The following ATL1 variants were observed in gnomAD, a reference collection of about 807,000 sequenced individuals.
The protein encoded by ATL1 is atlastin-1.
ATL1 carries 31 observed loss-of-function variants against 75.5 expected under a neutral mutation model. The observed-to-expected ratio is 0.41, with a 90% CI of 0.31 to 0.55. ATL1 has a LOEUF of 0.55. ATL1 is among the 20% of genes least tolerant of loss of function. The pLI, the probability that ATL1 is intolerant of heterozygous loss-of-function variation, is 0.27. For missense variants in ATL1, 405 were observed against 662.6 expected (o/e 0.61, Z 4.27); for synonymous variants, 226 against 233.3 (o/e 0.97, Z 0.28).
At chr14:50,536,436 CAAAAAA>C (rs34686813) in intron 1 of ATL1, among the ~76,000 whole-genome samples, 1 of 107,242 alleles carries the variant, frequency 9.3e-6, no homozygotes, top group Admixed American at 9.3e-5. Flanking sequence ...AACTCTGTCT[CAAAAAA>C]AAAAAAAAAA....
intron 9 of ATL1, among the ~76,000 whole-genome samples, chr14:50,621,167 T>C (rs2039463584): frequency 6.6e-6 from 1 of 152,216 alleles, no homozygotes; most frequent in African/African-American, 2.4e-5. Flanking sequence ...GTGGAATTAT[T>C]TTAAATTTGC....
upstream of ATL1, chr14:50,560,095 C>G: frequency 1.4e-6 from 1 of 713,090 alleles, no homozygotes; most frequent in Non-Finnish European, 2.4e-6. Context: ...TCTGCTTTCT[C>G]CTCCCTTTTC....
At chr14:50,559,988 C>G, upstream of ATL1, 1 of 529,048 alleles carries the variant, frequency 1.9e-6, no homozygotes, top group Non-Finnish European at 3.4e-6. Context: ...GGTACGTGGT[C>G]TATCACTGTC....
At position 50,628,417 on chromosome 14, in the gene ATL1, G is replaced by C. The variant is rs1595625446; in HGVS notation, c.1506G>C (p.Glu502Asp). 6.2e-7 allele frequency: 1 copy of C among 1,614,120 alleles called. No homozygotes were observed. Among genetic ancestry groups the C allele is most frequent in the Non-Finnish European group, 8.5e-7 (1 of 1,180,032 alleles). Residue 502 changes from glutamate to aspartate, a missense_variant, in exon 12 of 14, where the codon GAG (glutamate) becomes GAC (aspartate). Glu to Asp is a conservative substitution (Grantham distance 45, BLOSUM62 2). Transcript: ENST00000358385. ...AYIRYSGEYR[E>D]LGAVIDQVAA... ...TCCGGTACTCTGGAGAATACCGAGA[G>C]CTGGGAGCTGTAATAGACCAGGTGG... is the stretch of plus-strand genomic sequence containing the variant.
chr14:50,549,373 A>G (rs2038674204), intron 1 of ATL1, among the ~76,000 whole-genome samples: 1 of 152,162 alleles, frequency 6.6e-6, no homozygotes, highest in Admixed American at 6.5e-5. Context: ...GCTGTTCAGA[A>G]CTGTGAGACC....
At chr14:50,575,884 AG>A (rs1245895488) in intron 1 of ATL1, among the ~76,000 whole-genome samples, 1 of 152,172 alleles carries the variant, frequency 6.6e-6, no homozygotes, top group African/African-American at 2.4e-5. Context: ...TAAATTCAGT[AG>A]CTGAGTGCCA....
intron 1 of ATL1, among the ~76,000 whole-genome samples, chr14:50,553,219 C>T (rs1595574010): frequency 6.7e-6 from 1 of 149,372 alleles, no homozygotes; most frequent in African/African-American, 2.5e-5. Context: ...TGCAGTGAGC[C>T]GAGATCGTGC....
intron 13 of ATL1, chr14:50,630,841 A>T: frequency 2.7e-6 from 1 of 367,776 alleles, no homozygotes; most frequent in Non-Finnish European, 5.4e-6. Context: ...AAGCTTAAGA[A>T]AAAATATAAG....
At chr14:50,586,826 T>C (rs1229815386) in intron 1 of ATL1, among the ~76,000 whole-genome samples, 1 of 152,218 alleles carries the variant, frequency 6.6e-6, no homozygotes, top group Non-Finnish European at 1.5e-5. Flanking sequence ...CACTTTCTAA[T>C]AGTTGTGCTC....
At chr14:50,553,543 A>T (rs1353923995) in intron 1 of ATL1, among the ~76,000 whole-genome samples, 2 of 152,168 alleles carry the variant, frequency 1.3e-5, no homozygotes, top group African/African-American at 4.8e-5. Context: ...AACAGTATGG[A>T]TACCCCTTAA....
At chr14:50,588,917 G>C (rs1381349585) in intron 2 of ATL1, among the ~76,000 whole-genome samples, 1 of 152,014 alleles carries the variant, frequency 6.6e-6, no homozygotes, top group Non-Finnish European at 1.5e-5. Flanking sequence ...ATTTTTCCAG[G>C]TAATACCTTA....
At chr14:50,584,011 C>T (rs1433805754) in intron 1 of ATL1, among the ~76,000 whole-genome samples, 2 of 152,136 alleles carry the variant, frequency 1.3e-5, no homozygotes, top group Non-Finnish European at 2.9e-5. Context: ...AAAGAAATGG[C>T]TTTTATCTTC....
chr14:50,569,627 C>A (rs1225197107), intron 1 of ATL1, among the ~76,000 whole-genome samples: 1 of 151,798 alleles, frequency 6.6e-6, no homozygotes, highest in East Asian at 1.9e-4. Flanking sequence ...CATGTATTTA[C>A]CTTTACTGAG....
upstream of ATL1, among the ~76,000 whole-genome samples, chr14:50,555,480 C>G (rs1192089158): frequency 6.6e-6 from 1 of 152,138 alleles, no homozygotes; most frequent in Non-Finnish European, 1.5e-5. Flanking sequence ...GACGGGGTTT[C>G]ACCGTGTTGC....
At chr14:50,545,325 T>G (rs1408926862) in intron 1 of ATL1, among the ~76,000 whole-genome samples, 2 of 152,154 alleles carry the variant, frequency 1.3e-5, no homozygotes, top group African/African-American at 4.8e-5. Context: ...CCCTCCCAGT[T>G]TGGGAGACCA....
At chr14:50,546,486 C>T (rs2038634141) in intron 1 of ATL1, among the ~76,000 whole-genome samples, 1 of 152,070 alleles carries the variant, frequency 6.6e-6, no homozygotes, top group African/African-American at 2.4e-5. Context: ...TAAATGAGTA[C>T]TCACACATTA....
intron 7 of ATL1, 124 bp from the exon 8 acceptor site, chr14:50,614,249 C>A: frequency 2.8e-6 from 3 of 1,053,696 alleles, no homozygotes; most frequent in Non-Finnish European, 2.9e-6. Context: ...TCTTTAGTAG[C>A]AGCCCTGTCG....
In ATL1 at chr14:50,631,983, A is replaced by C. The variant is rs184577849; in HGVS notation, c.1567-246A>C. 47 of 324,338 alleles carry C rather than the reference A, an allele frequency of 1.4e-4. No individual in the cohort carries two copies. The East Asian group carries it at 1.6e-3, about 11-fold the overall frequency. 20.1% of individuals were successfully genotyped at this position (324,338 alleles called of 1,614,324 possible). A position where few individuals can be genotyped will look rare whatever the true frequency, so the allele number is the denominator to read the frequency against. ...AAGCTCACTGCTCCAAGAGGTATGC[A>C]AGGTAAAAGGAAACACAGTTTGAGA... On this transcript the variant is annotated intron_variant, in intron 13 of 13. Transcript: ENST00000358385.
intron 1 of ATL1, among the ~76,000 whole-genome samples, chr14:50,545,939 A>G (rs1336256745): frequency 6.6e-6 from 1 of 152,180 alleles, no homozygotes; most frequent in Non-Finnish European, 1.5e-5. Flanking sequence ...AGTTCATCAG[A>G]TCTTCTGAAG....
Sources: allele counts gnomAD v4.1 joint callset (sites outside exome capture counted in the v4.1 genomes callset), GRCh38; gene constraint gnomAD v4.1.1; transcripts MANE v1.5; gene names NCBI Gene and HGNC (gene_info 2026-07-23, HGNC 2026-07-21).